SPIDR: variants seen among roughly 807,000 people sequenced by gnomAD.
SPIDR encodes the protein DNA repair-scaffolding protein.
In SPIDR, 93 loss-of-function variants were observed where a neutral mutation model predicts 104.6. That is an observed-to-expected ratio of 0.89 (90% CI 0.75 to 1.06). SPIDR has a LOEUF of 1.06. SPIDR is among the 50% of genes least tolerant of loss of function. The pLI is 0.00. For missense variants in SPIDR, 1,154 were observed against 1,111.2 expected, an observed-to-expected ratio of 1.04 and a Z score of -0.55; for synonymous variants, 431 against 416.9, an observed-to-expected ratio of 1.03 and a Z score of -0.41.
At chr8:47,284,797 C>T (rs1554561843) in intron 3 of SPIDR, among the ~76,000 whole-genome samples, 49 of 152,300 alleles carry the variant, frequency 3.2e-4, no homozygotes, top group Non-Finnish European at 6.0e-4. Flanking sequence ...CTGTTACAAA[C>T]GGTCACCTCC....
intron 5 of SPIDR, among the ~76,000 whole-genome samples, chr8:47,298,242 G>T (rs906741491): frequency 5.9e-5 from 9 of 152,122 alleles, no homozygotes; most frequent in South Asian, 2.1e-4. Context: ...GTCTTTTGGC[G>T]GTATAAATGT....
intron 5 of SPIDR, among the ~76,000 whole-genome samples, chr8:47,322,835 A>G (rs183382893): frequency 1.4e-4 from 22 of 152,258 alleles, no homozygotes; most frequent in African/African-American, 4.8e-4. Flanking sequence ...AACTATCAGA[A>G]GGACAAAAAA....
At chr8:47,409,753 G>A (rs966242229) in intron 7 of SPIDR, among the ~76,000 whole-genome samples, 12 of 152,164 alleles carry the variant, frequency 7.9e-5, no homozygotes, top group Non-Finnish European at 1.6e-4. Flanking sequence ...CCGAGGCCAG[G>A]TGTGGTGGCT....
At chr8:47,604,789 T>C (rs1254724738) in intron 10 of SPIDR, among the ~76,000 whole-genome samples, 3 of 152,180 alleles carry the variant, frequency 2.0e-5, no homozygotes, top group African/African-American at 7.2e-5. Context: ...CTAGGCCTAC[T>C]AAGTTTGAGA....
At chr8:47,474,100 TG>T (rs373604299) in intron 8 of SPIDR, among the ~76,000 whole-genome samples, 5 of 152,176 alleles carry the variant, frequency 3.3e-5, no homozygotes, top group African/African-American at 1.2e-4. Context: ...TGTGTGATCA[TG>T]CTATCTAGAA....
At chr8:47,419,659 A>G (rs2065050338) in intron 7 of SPIDR, among the ~76,000 whole-genome samples, 1 of 152,076 alleles carries the variant, frequency 6.6e-6, no homozygotes, top group African/African-American at 2.4e-5. Context: ...GCCTTCTGCT[A>G]GCTGTTGAGT....
chr8:47,723,720 C>T (rs183447109), intron 16 of SPIDR, among the ~76,000 whole-genome samples: 1 of 152,166 alleles, frequency 6.6e-6, no homozygotes, highest in Non-Finnish European at 1.5e-5. Flanking sequence ...TGAGCCACCA[C>T]GCCCAGCCCA....
chr8:47,674,477 T>C (rs954452222), intron 11 of SPIDR, among the ~76,000 whole-genome samples: 11 of 152,236 alleles, frequency 7.2e-5, no homozygotes, highest in Admixed American at 2.6e-4. Flanking sequence ...ACATCTCCAG[T>C]AATCATTCTA....
intron 11 of SPIDR, among the ~76,000 whole-genome samples, chr8:47,674,506 A>G (rs1004642081): frequency 6.6e-6 from 1 of 151,106 alleles, no homozygotes; most frequent in Non-Finnish European, 1.5e-5. Flanking sequence ...ATTAGGGGGA[A>G]AAAAAAAAGA....
At chr8:47,391,051 T>C (rs1446439813) in intron 5 of SPIDR, among the ~76,000 whole-genome samples, 3 of 152,186 alleles carry the variant, frequency 2.0e-5, no homozygotes, top group African/African-American at 7.2e-5. Context: ...CGTGTGTTTC[T>C]CACAGTCGGG....
At chr8:47,282,099 C>A (rs1191633031) in intron 2 of SPIDR, among the ~76,000 whole-genome samples, 10 of 152,218 alleles carry the variant, frequency 6.6e-5, no homozygotes, top group African/African-American at 2.4e-4. Context: ...CAGATCTCAA[C>A]AGTGGGCTTA....
intron 7 of SPIDR, among the ~76,000 whole-genome samples, chr8:47,436,780 GC>G (rs2068411172): frequency 6.6e-6 from 1 of 152,290 alleles, no homozygotes; most frequent in East Asian, 1.9e-4. Context: ...GTCGTCCCTT[GC>G]TTTTTTCTCT....
chr8:47,415,560 C>G (rs2064137093), intron 7 of SPIDR, among the ~76,000 whole-genome samples: 1 of 152,086 alleles, frequency 6.6e-6, no homozygotes, highest in Admixed American at 6.5e-5. Context: ...GTGATTAGGT[C>G]ATGAGGTGGA....
intron 8 of SPIDR, among the ~76,000 whole-genome samples, chr8:47,522,856 A>C (rs1350921017): frequency 6.6e-6 from 1 of 152,168 alleles, no homozygotes; most frequent in South Asian, 2.1e-4. Context: ...TTTATTATGC[A>C]TTATTTGTGA....
At chr8:47,729,509 C>T (rs1393154142) in intron 19 of SPIDR, 44 bp downstream of exon 19, 1 of 1,562,142 alleles carries the variant, frequency 6.4e-7, no homozygotes, top group Non-Finnish European at 8.7e-7. Context: ...CACTCAGTAG[C>T]CTGCATGAGC....
intron 8 of SPIDR, among the ~76,000 whole-genome samples, chr8:47,515,114 G>A (rs867560214): frequency 2.6e-5 from 4 of 152,284 alleles, no homozygotes; most frequent in South Asian, 4.1e-4. Context: ...ACACTGTGCT[G>A]TGGAGGCTTA....
chr8:47,504,333 T>C (rs1011030937), intron 8 of SPIDR, among the ~76,000 whole-genome samples: 4 of 152,178 alleles, frequency 2.6e-5, no homozygotes, highest in African/African-American at 4.8e-5. Context: ...TTTGTTCGTT[T>C]CTTTTTTTTC....
chr8:47,505,387 G>T (rs536902857), intron 8 of SPIDR, among the ~76,000 whole-genome samples: 90 of 152,278 alleles, frequency 5.9e-4, no homozygotes, highest in African/African-American at 2.1e-3. Context: ...ATCTCAGACT[G>T]CTGTGCTAGC....
intron 10 of SPIDR, among the ~76,000 whole-genome samples, chr8:47,615,696 A>G (rs1204033095): frequency 1.3e-5 from 2 of 152,018 alleles, no homozygotes; most frequent in Non-Finnish European, 2.9e-5. Context: ...TTTAGTGGAA[A>G]AGGAGTTTCG....
Sources: gnomAD v4.1 joint callset for allele counts (sites outside exome capture counted in the v4.1 genomes callset) on GRCh38, gnomAD v4.1.1 for gene constraint, MANE v1.5 for transcripts, NCBI Gene and HGNC (gene_info 2026-07-23, HGNC 2026-07-21) for gene names.